Variants in GPC5 observed in about 807,000 individuals in gnomAD.
GPC5 encodes glypican 5.
GPC5 carries 47 observed loss-of-function variants against 53.9 expected under a neutral mutation model. The observed-to-expected ratio is 0.87, with a 90% CI of 0.69 to 1.11. GPC5 has a LOEUF of 1.11. GPC5 is among the 50% of genes most tolerant of loss of function. The pLI, the probability that GPC5 is intolerant of heterozygous loss-of-function variation, is 0.00. For synonymous variants in GPC5, 286 were observed against 263.3 expected, an observed-to-expected ratio of 1.09 and a Z score of -0.84; for missense variants, 748 against 713.1, an observed-to-expected ratio of 1.05 and a Z score of -0.56.
intron 7 of GPC5, among the ~76,000 whole-genome samples, chr13:92,196,668 C>G (rs1402997082): frequency 1.3e-5 from 2 of 152,176 alleles, no homozygotes; most frequent in African/African-American, 4.8e-5. Flanking sequence ...TCTAGCTGCT[C>G]AGCTATTCTG....
rs539992930 is a variant in GPC5, at chr13:92,538,778, C to A, written c.1562-327504C>A. Among the ~76,000 whole-genome samples the A allele has an allele frequency of 2.6e-4, 12 of 45,696 alleles. 1 individual carries two copies. The highest frequency in any genetic ancestry group is 4.0e-4 in the Non-Finnish European group (9 of 22,656). 30.0% of individuals were successfully genotyped at this position (45,696 alleles called of 152,430 possible). ...GTTTCCAGCTTCATCCATGTCCCTG[C>A]AAAGGACATGAACTCATATATATAT... On this transcript the variant is annotated intron_variant, in intron 7 of 7. Coordinates refer to ENST00000377067, the MANE Select transcript of GPC5 (RefSeq NM_004466.6).
At chr13:92,363,891 T>C (rs1022547267) in intron 7 of GPC5, among the ~76,000 whole-genome samples, 1 of 151,134 alleles carries the variant, frequency 6.6e-6, no homozygotes, top group Non-Finnish European at 1.5e-5. Flanking sequence ...TAAACAGATG[T>C]AGAGCTGAAA....
intron 2 of GPC5, among the ~76,000 whole-genome samples, chr13:91,623,465 G>T (rs939702057): frequency 3.9e-5 from 6 of 152,044 alleles, no homozygotes; most frequent in African/African-American, 7.2e-5. Context: ...CGTCTAGGGG[G>T]CATCACTCAG....
chr13:92,571,942 G>A (rs1243440639), intron 7 of GPC5, among the ~76,000 whole-genome samples: 2 of 152,032 alleles, frequency 1.3e-5, no homozygotes, highest in Non-Finnish European at 1.5e-5. Flanking sequence ...GGCTGAGGTG[G>A]AAGGATCACC....
chr13:92,804,859 T>C (rs1663980867), intron 7 of GPC5, among the ~76,000 whole-genome samples: 5 of 152,116 alleles, frequency 3.3e-5, no homozygotes, highest in Admixed American at 3.3e-4. Flanking sequence ...CATATTTTGT[T>C]ACCATTTCAA....
intron 5 of GPC5, among the ~76,000 whole-genome samples, chr13:91,848,119 T>A (rs1287569835): frequency 6.6e-6 from 1 of 152,198 alleles, no homozygotes; most frequent in Non-Finnish European, 1.5e-5. Flanking sequence ...CACATAAAAA[T>A]CATAATTATT....
chr13:92,317,491 G>T (rs2043187303), intron 7 of GPC5, among the ~76,000 whole-genome samples: 1 of 148,942 alleles, frequency 6.7e-6, no homozygotes, highest in Non-Finnish European at 1.5e-5. Context: ...TTTGTTTTTT[G>T]TTTTGTTTTG....
intron 6 of GPC5, among the ~76,000 whole-genome samples, chr13:92,039,284 A>G (rs2040922974): frequency 6.6e-6 from 1 of 152,246 alleles, no homozygotes; most frequent in Non-Finnish European, 1.5e-5. Context: ...AAATAGAAAA[A>G]GTAACAGGAT....
At chr13:92,712,944 C>T (rs756316433) in intron 7 of GPC5, among the ~76,000 whole-genome samples, 6 of 151,878 alleles carry the variant, frequency 4.0e-5, no homozygotes, top group Non-Finnish European at 7.4e-5. Context: ...AGGAAACCAA[C>T]CCTGCCAATA....
chr13:92,227,925 A>G (rs1376479815), intron 7 of GPC5, among the ~76,000 whole-genome samples: 4 of 152,144 alleles, frequency 2.6e-5, no homozygotes, highest in Non-Finnish European at 5.9e-5. Context: ...AATTTGATTA[A>G]CACATTTTGT....
At chr13:91,591,013 T>A (rs1242161013) in intron 2 of GPC5, among the ~76,000 whole-genome samples, 1 of 152,170 alleles carries the variant, frequency 6.6e-6, no homozygotes, top group Non-Finnish European at 1.5e-5. Context: ...ATAATAATAT[T>A]ACCTCACAAG....
intron 7 of GPC5, among the ~76,000 whole-genome samples, chr13:92,412,180 G>A (rs1245566240): frequency 6.6e-6 from 1 of 152,142 alleles, no homozygotes; most frequent in African/African-American, 2.4e-5. Context: ...AAAAATGCTT[G>A]TAGTGCTAGA....
chr13:92,715,007 G>C (rs1192751384), intron 7 of GPC5, among the ~76,000 whole-genome samples: 1 of 152,144 alleles, frequency 6.6e-6, no homozygotes, highest in Non-Finnish European at 1.5e-5. Context: ...AGAAGTTGCA[G>C]TGAGCCAAGA....
intron 7 of GPC5, among the ~76,000 whole-genome samples, chr13:92,733,352 T>A (rs983514105): frequency 7.3e-5 from 11 of 151,516 alleles, no homozygotes; most frequent in Admixed American, 6.6e-4. Flanking sequence ...GGAGATTGAG[T>A]TTTTCTGTGT....
In GPC5 at chr13:92,697,917, T is replaced by G. The variant is rs575284740; in HGVS notation, c.1562-168365T>G. Among the ~76,000 whole-genome samples the G allele has an allele frequency of 1.1e-4, 17 of 152,298 alleles. No individual in the cohort carries two copies. The East Asian group carries it at 2.9e-3, about 26-fold the overall frequency. Reference sequence around the variant, plus strand: ...GTTTTTAGCATGAAAGGCTGTTGAATTTTGTCTAAGGCCTTTACTGTATCT... The same window carrying G: ...GTTTTTAGCATGAAAGGCTGTTGAAGTTTGTCTAAGGCCTTTACTGTATCT... On this transcript the variant is annotated intron_variant, in intron 7 of 7. Coordinates refer to ENST00000377067, the MANE Select transcript of GPC5 (RefSeq NM_004466.6).
intron 7 of GPC5, among the ~76,000 whole-genome samples, chr13:92,618,687 TA>T (rs5805756): frequency 0.4 from 54,567 of 137,874 alleles, 11,942 homozygotes; most frequent in East Asian, 0.67. Context: ...TAAAAAATGT[TA>T]AAAAAAAAAA....
At chr13:91,695,888 A>G (rs970374835) in intron 3 of GPC5, among the ~76,000 whole-genome samples, 1 of 152,192 alleles carries the variant, frequency 6.6e-6, no homozygotes, top group African/African-American at 2.4e-5. Flanking sequence ...CTTAAAATCT[A>G]TCCTGTAGAA....
chr13:92,209,650 A>G lies in GPC5; in HGVS notation c.1561+64661A>G, dbSNP rs79165014. 4.1e-3 allele frequency among the ~76,000 whole-genome samples: 631 copies of G among 152,206 alleles called. 11 individuals carry two copies. In the East Asian group the frequency reaches 0.047, roughly 11 times the overall value. On this transcript the variant is annotated intron_variant, in intron 7 of 7. Transcript: ENST00000377067. ...GTGACACAGTAGATATAAAAATAAC[A>G]TGTGTGTGAGAATACTGCATTAACT...
intron 7 of GPC5, among the ~76,000 whole-genome samples, chr13:92,191,115 TA>T: frequency 6.6e-6 from 1 of 152,032 alleles, no homozygotes; most frequent in East Asian, 1.9e-4. Context: ...TTACTGGAGA[TA>T]AAAAAGGGGC....
Sources: allele counts gnomAD v4.1 joint callset (sites outside exome capture counted in the v4.1 genomes callset), GRCh38; gene constraint gnomAD v4.1.1; transcripts MANE v1.5; gene names NCBI Gene and HGNC (gene_info 2026-07-23, HGNC 2026-07-21).